CNOT10: variants seen among roughly 807,000 people sequenced by gnomAD.
CNOT10 encodes CCR4-NOT transcription complex, subunit 10.
CNOT10 carries 30 observed loss-of-function variants against 94.6 expected under a neutral mutation model. The ratio of observed to expected loss-of-function variants is 0.32; its 90% CI spans 0.24 to 0.43. The LOEUF (loss-of-function observed/expected upper bound fraction) is 0.43, where lower values mean the gene tolerates loss of function less well. CNOT10 is among the 20% of genes least tolerant of loss of function. The pLI is 1.00. For missense variants in CNOT10, 759 were observed against 877.2 expected, an observed-to-expected ratio of 0.87 and a Z score of 1.70; for synonymous variants, 289 against 301.6, an observed-to-expected ratio of 0.96 and a Z score of 0.43.
chr3:32,766,059 G>C (rs1700633747), intron 17 of CNOT10, among the ~76,000 whole-genome samples: 1 of 41,446 alleles, frequency 2.4e-5, no homozygotes. Flanking sequence ...AGACTGGAGT[G>C]CAATGGCGCA....
chr3:32,717,227 C>T lies in CNOT10; in HGVS notation c.734C>T (p.Thr245Ile). 2 of 1,598,752 alleles carry T rather than the reference C, an allele frequency of 1.3e-6. No homozygotes were observed. Among genetic ancestry groups the T allele is most frequent in the Non-Finnish European group, 1.7e-6 (2 of 1,169,702 alleles). The change falls in exon 7 of 19, where the codon ACA becomes ATA. Residue 245 changes from threonine (T) to isoleucine (I), a missense_variant. By Grantham distance (89) the Thr-to-Ile change is moderately conservative. This residue lies in a region of CNOT10 where 682 missense variants were observed against 799.4 expected (regional missense o/e 0.85). Transcript: ENST00000328834. ...CKREIKSVMN[T>I]AGNSAPSLFL... The stretch of plus-strand genomic sequence containing the variant: ...AGGGAAATCAAGTCAGTCATGAATA[C>T]AGCTGGAAATGTAAGTTTCTTCTGG...
intron 1 of CNOT10, among the ~76,000 whole-genome samples, chr3:32,692,283 A>G (rs893925093): frequency 6.6e-6 from 1 of 152,144 alleles, no homozygotes; most frequent in Non-Finnish European, 1.5e-5. Context: ...ATTTGTAGGC[A>G]CAGGGTCCCA....
At chr3:32,737,356 G>A (rs377387541) in intron 12 of CNOT10, 54 bp from the exon 13 acceptor site, 12 of 1,311,800 alleles carry the variant, frequency 9.1e-6, no homozygotes, top group South Asian at 1.3e-5. Flanking sequence ...AAAATTTTAC[G>A]TTTAATTATT....
chr3:32,726,694 CATAATAATAATAATA>C (rs55674577), intron 9 of CNOT10, among the ~76,000 whole-genome samples: 9 of 141,768 alleles, frequency 6.3e-5, no homozygotes, highest in Middle Eastern at 3.6e-3. Context: ...AGACTCTGTC[CATAATAATAATAATA>C]ATAATAATAA....
At chr3:32,716,898 C>T (rs1206778781) in intron 6 of CNOT10, among the ~76,000 whole-genome samples, 1 of 152,202 alleles carries the variant, frequency 6.6e-6, no homozygotes, top group Non-Finnish European at 1.5e-5. Flanking sequence ...GATCCACCTG[C>T]CTCGGCCTCC....
At chr3:32,714,353 C>T (rs1444549009) in intron 5 of CNOT10, among the ~76,000 whole-genome samples, 1 of 150,788 alleles carries the variant, frequency 6.6e-6, no homozygotes, top group Non-Finnish European at 1.5e-5. Flanking sequence ...AATCCATAAC[C>T]TGGATAAACA....
At position 32,705,291 on chromosome 3, in the gene CNOT10, T is replaced by A. The variant is rs542452452; in HGVS notation, c.279+319T>A. Among the ~76,000 whole-genome samples, 68 of 152,230 alleles carry A rather than the reference T, an allele frequency of 4.5e-4. 1 individual carries two copies. Among genetic ancestry groups the A allele is most frequent in the Non-Finnish European group, 2.8e-4 (19 of 68,004 alleles). Reference sequence around the variant, plus strand: ...TATATCTTGTTTATAATGAAAAAAATATGATTAATCCTAATGTCAAGTCGT... The same window carrying A: ...TATATCTTGTTTATAATGAAAAAAAAATGATTAATCCTAATGTCAAGTCGT... On this transcript the variant is annotated intron_variant, in intron 3 of 18. Coordinates refer to ENST00000328834, the MANE Select transcript of CNOT10 (RefSeq NM_015442.3).
At chr3:32,695,966 A>AGTGTGTGTGTGTGTGT (rs1374247638) in intron 1 of CNOT10, 3 of 616,762 alleles carry the variant, frequency 4.9e-6, no homozygotes, top group African/African-American at 4.5e-5. Flanking sequence ...CCTGTTGAAG[A>AGTGTGTGTGTGTGTGT]GAGTGTGTGT....
In CNOT10 at chr3:32,725,598, A is replaced by T. The variant is rs1474375524; in HGVS notation, c.1011A>T (p.Pro337=). ...AGCTCAGTGCAGGTAGCACTGATCC[A>T]GGTAAGCCCAGTACTGGGGGACAGT... ...CAQLSAGSTD[P]GKKFSGRPMC... is the part of the protein sequence containing the mutation. Residue 337 remains proline, a splice_region_variant and synonymous_variant, in exon 9 of 19, where the codon CCA becomes CCT. Coordinates refer to ENST00000328834, the MANE Select transcript of CNOT10 (RefSeq NM_015442.3). 6.2e-7 allele frequency: 1 copy of T among 1,607,252 alleles called. No homozygotes were observed. Among genetic ancestry groups the T allele is most frequent in the African/African-American group, 1.3e-5 (1 of 74,854 alleles).
At chr3:32,755,159 T>G (rs1011659176) in intron 13 of CNOT10, among the ~76,000 whole-genome samples, 1 of 150,780 alleles carries the variant, frequency 6.6e-6, no homozygotes, top group Non-Finnish European at 1.5e-5. Context: ...GACAGGAGAA[T>G]CACTTGCAAC....
At chr3:32,697,188 G>A (rs957754521) in intron 1 of CNOT10, among the ~76,000 whole-genome samples, 1 of 152,092 alleles carries the variant, frequency 6.6e-6, no homozygotes, top group African/African-American at 2.4e-5. Context: ...GACCTCAGGT[G>A]ATCTGCCCAC....
intron 16 of CNOT10, 49 bp from the exon 17 acceptor site, chr3:32,764,633 T>C (rs376551615): frequency 9.9e-6 from 16 of 1,608,440 alleles, no homozygotes; most frequent in African/African-American, 1.3e-5. Context: ...GGTTGCTTCC[T>C]TGCTGTTGGC....
chr3:32,756,472 G>GCC (rs1700229317), intron 13 of CNOT10, among the ~76,000 whole-genome samples: 1 of 152,120 alleles, frequency 6.6e-6, no homozygotes. Flanking sequence ...AGCAGTAATA[G>GCC]CCCACCTACT....
intron 1 of CNOT10, among the ~76,000 whole-genome samples, chr3:32,690,354 T>C (rs1471673812): frequency 6.6e-6 from 1 of 152,146 alleles, no homozygotes; most frequent in Admixed American, 6.5e-5. Flanking sequence ...GGTTAAATGA[T>C]ATAATCTCAG....
intron 4 of CNOT10, 111 bp downstream of exon 4, chr3:32,708,931 G>T (rs1214431037): frequency 1.2e-6 from 1 of 801,612 alleles, no homozygotes; most frequent in African/African-American, 1.8e-5. Context: ...AGTATTCAAA[G>T]AAAAGCCGTA....
chr3:32,687,252 G>T (rs1268285273), intron 1 of CNOT10, among the ~76,000 whole-genome samples: 4 of 151,498 alleles, frequency 2.6e-5, no homozygotes, highest in African/African-American at 9.7e-5. Context: ...TTTGTCTCTT[G>T]TCTCTTCCTA....
intron 8 of CNOT10, among the ~76,000 whole-genome samples, chr3:32,723,976 A>T (rs1698536588): frequency 6.6e-6 from 1 of 152,096 alleles, no homozygotes; most frequent in African/African-American, 2.4e-5. Flanking sequence ...GCTACTCAGG[A>T]GGCTGAGGCA....
intron 1 of CNOT10, among the ~76,000 whole-genome samples, chr3:32,703,047 G>A (rs2125513138): frequency 6.6e-6 from 1 of 150,438 alleles, no homozygotes; most frequent in South Asian, 2.1e-4. Flanking sequence ...AAGTAGCTGG[G>A]ACTACAGGCG....
intron 13 of CNOT10, among the ~76,000 whole-genome samples, chr3:32,745,479 C>T (rs1030698949): frequency 1.3e-5 from 2 of 152,154 alleles, no homozygotes; most frequent in African/African-American, 4.8e-5. Flanking sequence ...ATTGAATAAA[C>T]ATTCTGTGCC....
Sources: allele counts gnomAD v4.1 joint callset (sites outside exome capture counted in the v4.1 genomes callset), GRCh38; gene constraint gnomAD v4.1.1; regional missense constraint gnomAD v4.1.1; transcripts MANE v1.5; gene names NCBI Gene and HGNC (gene_info 2026-07-23, HGNC 2026-07-21).